The following MAGEB17 variants were observed in gnomAD, a reference collection of about 807,000 sequenced individuals.
MAGEB17 encodes MAGE family member B17.
For missense variants in MAGEB17, 251 were observed against 281.4 expected (o/e 0.89, Z 0.77); for synonymous variants, 110 against 112.4 (o/e 0.98, Z 0.13).
rs1922971285 is a variant in MAGEB17 at position 16,167,737 on chromosome X, G to T, written c.-96G>T. 8.9e-6 allele frequency: 1 copy of T among 112,189 alleles called. No homozygotes were observed. Among genetic ancestry groups the T allele is most frequent in the African/African-American group, 3.2e-5 (1 of 30,821 alleles). 9.2% of individuals were successfully genotyped at this position (112,189 alleles called of 1,213,427 possible). A position where few individuals can be genotyped will look rare whatever the true frequency, so the allele number is the denominator to read the frequency against. On this transcript the variant is annotated 5_prime_UTR_variant, in exon 1 of 2. Coordinates refer to ENST00000400004, the MANE Select transcript of MAGEB17 (RefSeq NM_001277307.2). Reference sequence around the variant, plus strand: ...CGGAAGTGAGGATCTTCGTCTGAGGGACGCCACCTCAGGCTACCAGAACCC... The same window carrying T: ...CGGAAGTGAGGATCTTCGTCTGAGGTACGCCACCTCAGGCTACCAGAACCC...
intron 1 of MAGEB17, among the ~76,000 whole-genome samples, chrX:16,170,012 C>T (rs181776120): frequency 1.1e-3 from 118 of 111,443 alleles, no homozygotes; most frequent in Middle Eastern, 4.7e-3. Context: ...AGCCACCGAC[C>T]CCAAATTAGT....
At chrX:16,170,052 A>G (rs1216426012) in intron 1 of MAGEB17, among the ~76,000 whole-genome samples, 1 of 111,928 alleles carries the variant, frequency 8.9e-6, no homozygotes, top group Non-Finnish European at 1.9e-5. Context: ...TCCCTATGTC[A>G]GAGGTTTGAG....
chrX:16,170,267 A>G lies in MAGEB17; in HGVS notation c.-49-67A>G, dbSNP rs1250097227. On this transcript the variant is annotated intron_variant, in intron 1 of 1. Transcript: ENST00000400004. Reference sequence around the variant, plus strand: ...GAGCAGGGTCCTCAAGGACACCTGCATGGAGGCCTCCTTAAGGTGATATCT... The same window carrying G: ...GAGCAGGGTCCTCAAGGACACCTGCGTGGAGGCCTCCTTAAGGTGATATCT... 18 of 1,086,045 alleles carry G rather than the reference A, an allele frequency of 1.7e-5. No homozygotes were observed. The East Asian group carries it at 5.7e-4, about 34-fold the overall frequency. The allele number at this position is 1,086,045 out of a possible 1,213,427, so 89.5% of individuals were successfully genotyped here.
intron 1 of MAGEB17, among the ~76,000 whole-genome samples, chrX:16,168,399 G>C (rs1038495060): frequency 1.2e-4 from 13 of 111,879 alleles, no homozygotes; most frequent in African/African-American, 3.9e-4. Flanking sequence ...CAGAGAGCCA[G>C]GTTTCTGCTG....
In MAGEB17 at chrX:16,171,184, C is replaced by A; in HGVS notation, c.802C>A (p.Arg268Ser). ...GCAGGTGCCCAGCAGCGATCCTCCA[C>A]GCTACGAGTTCCTGTGGGGTCCCAG... ...YQQVPSSDPP[R>S]YEFLWGPRAR... The change falls in exon 2 of 2, where the codon CGC becomes AGC. Residue 268 changes from arginine to serine, a missense_variant. Coordinates refer to ENST00000400004, the MANE Select transcript of MAGEB17 (RefSeq NM_001277307.2). 8.3e-7 allele frequency: 1 copy of A among 1,210,419 alleles called. No homozygotes were observed. The highest frequency in any genetic ancestry group is 1.8e-5 in the South Asian group (1 of 56,709).
chrX:16,169,073 G>T (rs972695840), intron 1 of MAGEB17, among the ~76,000 whole-genome samples: 1 of 112,094 alleles, frequency 8.9e-6, no homozygotes, highest in African/African-American at 3.2e-5. Context: ...TTTCAGAGAA[G>T]TGGCTCTTTT....
chrX:16,168,110 C>T (rs1426360760), intron 1 of MAGEB17, among the ~76,000 whole-genome samples: 1 of 112,016 alleles, frequency 8.9e-6, no homozygotes, highest in Non-Finnish European at 1.9e-5. Context: ...GAGGCTGAGG[C>T]GGGAGGATTA....
chrX:16,169,634 C>T (rs758110791), intron 1 of MAGEB17, among the ~76,000 whole-genome samples: 1 of 111,598 alleles, frequency 9.0e-6, no homozygotes, highest in African/African-American at 3.3e-5. Flanking sequence ...TCCGGGGGCA[C>T]CACAAAGGCT....
intron 1 of MAGEB17, among the ~76,000 whole-genome samples, 160 bp from the exon 2 acceptor site, chrX:16,170,174 T>G (rs1308168262): frequency 8.9e-6 from 1 of 112,176 alleles, no homozygotes; most frequent in Non-Finnish European, 1.9e-5. Flanking sequence ...CAAGGAGCAC[T>G]GTAACTTCCT....
chrX:16,170,779 G>GA lies in MAGEB17; in HGVS notation c.399dup (p.Ala134SerfsTer16). ...TATAAGGAAAGAGCCCATTACGAGGGAAGCCATGCTGAAGGTTATCAACAG... is the reference window on the plus strand; with the variant it reads ...TATAAGGAAAGAGCCCATTACGAGGGAAAGCCATGCTGAAGGTTATCAACAG... On this transcript the variant is annotated frameshift_variant, in exon 2 of 2. Coordinates refer to ENST00000400004, the MANE Select transcript of MAGEB17 (RefSeq NM_001277307.2). LOFTEE classifies it low-confidence loss of function (END_TRUNC). The GA allele has an allele frequency of 1.7e-6, 2 of 1,167,361 alleles. No individual in the cohort carries two copies. The highest frequency in any genetic ancestry group is 3.5e-5 in the African/African-American group (2 of 56,393).
In MAGEB17 at chrX:16,167,672, G is replaced by A. The variant is rs937634495; in HGVS notation, c.-161G>A. On this transcript the variant is annotated 5_prime_UTR_variant, in exon 1 of 2. An upstream open reading frame in the 5' UTR gains an earlier in-frame stop. Coordinates refer to ENST00000400004, the MANE Select transcript of MAGEB17 (RefSeq NM_001277307.2). Reference sequence around the variant, plus strand: ...GGGAGACCCAGCAGGGACTTGATTGGATGTGGCTCACTCCGACATCCGCCC... The same window carrying A: ...GGGAGACCCAGCAGGGACTTGATTGAATGTGGCTCACTCCGACATCCGCCC... 2.7e-5 allele frequency: 3 copies of A among 111,775 alleles called. No homozygotes were observed. Among genetic ancestry groups the A allele is most frequent in the Non-Finnish European group, 5.7e-5 (3 of 53,084 alleles). The allele number at this position is 111,775 out of a possible 1,213,427, so 9.2% of individuals were successfully genotyped here.
chrX:16,170,732 T>C lies in MAGEB17; in HGVS notation c.350T>C (p.Val117Ala). ...CTGAACACGAAGACGGGCGAATTGG[T>C]GCAGTTCCTCCTCAACAAGTATATA... ...DLLNTKTGELVQFLLNKYIRK... is the reference protein window; with the variant it reads ...DLLNTKTGELAQFLLNKYIRK... Residue 117 changes from valine to alanine, a missense_variant, in exon 2 of 2, where the codon GTG becomes GCG. Coordinates refer to ENST00000400004, the MANE Select transcript of MAGEB17 (RefSeq NM_001277307.2). 8.6e-7 allele frequency: 1 copy of C among 1,167,091 alleles called. No individual in the cohort carries two copies. Among genetic ancestry groups the C allele is most frequent in the Non-Finnish European group, 1.1e-6 (1 of 873,045 alleles).
At chrX:16,168,098 G>A (rs978591297) in intron 1 of MAGEB17, among the ~76,000 whole-genome samples, 8 of 112,370 alleles carry the variant, frequency 7.1e-5, no homozygotes, top group Admixed American at 5.6e-4. Context: ...CCAGTGCTTT[G>A]GGAGGCTGAG....
rs949113851 is a variant in MAGEB17 at position 16,170,715 on chromosome X, G to A, written c.333G>A (p.Thr111=). Reference sequence around the variant, plus strand: ...GCACAGGAAGAGATCTTCTGAACACGAAGACGGGCGAATTGGTGCAGTTCC... The same window carrying A: ...GCACAGGAAGAGATCTTCTGAACACAAAGACGGGCGAATTGGTGCAGTTCC... The part of the protein sequence containing the change: ...SESTGRDLLN[T]KTGELVQFLL... The change falls in exon 2 of 2, where the codon ACG becomes ACA. Residue 111 remains threonine (T), a synonymous_variant. Coordinates refer to ENST00000400004, the MANE Select transcript of MAGEB17 (RefSeq NM_001277307.2). 3.8e-5 allele frequency: 44 copies of A among 1,165,768 alleles called. No individual in the cohort carries two copies. Among genetic ancestry groups the A allele is most frequent in the Middle Eastern group, 4.6e-4 (2 of 4,327 alleles).
Position 16,171,189 on chromosome X carries a change from C to T in MAGEB17, c.807C>T (p.Tyr269=), listed in dbSNP as rs766037177. The T allele has an allele frequency of 4.2e-5, 51 of 1,208,734 alleles. No homozygotes were observed. The East Asian group carries it at 1.1e-3, about 27-fold the overall frequency. ...TGCCCAGCAGCGATCCTCCACGCTA[C>T]GAGTTCCTGTGGGGTCCCAGGGCCC... ...QQVPSSDPPR[Y]EFLWGPRARA... is the part of the protein sequence containing the mutation. Residue 269 remains tyrosine, a synonymous_variant, in exon 2 of 2, where the codon TAC becomes TAT. Coordinates refer to ENST00000400004, the MANE Select transcript of MAGEB17 (RefSeq NM_001277307.2).
chrX:16,171,289 T>C lies in MAGEB17; in HGVS notation c.907T>C (p.Ser303Pro). ...LNDTVASTYKSRYEEALREEE... is the reference protein window; with the variant it reads ...LNDTVASTYKPRYEEALREEE... ...TGATACCGTTGCCAGTACCTACAAG[T>C]CCCGGTATGAGGAGGCTCTGAGAGA... Residue 303 changes from serine to proline, a missense_variant, in exon 2 of 2, where the codon TCC becomes CCC. Coordinates refer to ENST00000400004, the MANE Select transcript of MAGEB17 (RefSeq NM_001277307.2). The C allele has an allele frequency of 8.3e-7, 1 of 1,203,148 alleles. No individual in the cohort carries two copies. Among genetic ancestry groups the C allele is most frequent in the Non-Finnish European group, 1.1e-6 (1 of 891,596 alleles).
At chrX:16,170,210 G>T in intron 1 of MAGEB17, 124 bp from the exon 2 acceptor site, 1 of 978,787 alleles carries the variant, frequency 1.0e-6, no homozygotes, top group South Asian at 3.1e-5. Flanking sequence ...GGGACAGGCT[G>T]CCCTGGAGAA....
At chrX:16,168,179 G>C (rs1322574983) in intron 1 of MAGEB17, among the ~76,000 whole-genome samples, 1 of 110,730 alleles carries the variant, frequency 9.0e-6, no homozygotes, top group Non-Finnish European at 1.9e-5. Flanking sequence ...CTCTCTCCAA[G>C]AAAGAAAAGA....
chrX:16,169,133 G>A (rs1476876436), intron 1 of MAGEB17, among the ~76,000 whole-genome samples: 1 of 111,790 alleles, frequency 8.9e-6, no homozygotes, highest in East Asian at 2.8e-4. Context: ...GGAGGACTTA[G>A]TCCCTGGTGG....
Sources: allele counts gnomAD v4.1 joint callset (sites outside exome capture counted in the v4.1 genomes callset), GRCh38; gene constraint gnomAD v4.1.1; transcripts MANE v1.5; gene names NCBI Gene and HGNC (gene_info 2026-07-23, HGNC 2026-07-21).